Variants in AASDH observed in about 807,000 individuals in gnomAD.
AASDH encodes the protein beta-alanine-activating enzyme.
AASDH carries 81 observed loss-of-function variants against 102.3 expected under a neutral mutation model. The observed-to-expected ratio is 0.79, with a 90% CI of 0.66 to 0.95. The LOEUF (loss-of-function observed/expected upper bound fraction) is 0.95, where lower values mean the gene tolerates loss of function less well. Among genes scored for constraint, AASDH ranks in the 40% least tolerant of loss-of-function variants. The pLI is 0.00. For synonymous variants in AASDH, 398 were observed against 454.0 expected (o/e 0.88, Z 1.57); for missense variants, 1,203 against 1,266.2 (o/e 0.95, Z 0.76).
chr4:56,386,648 CCGGGCGCGGTGG>C (rs1753584347), intron 1 of AASDH, among the ~76,000 whole-genome samples: 1 of 149,680 alleles, frequency 6.7e-6, no homozygotes, highest in Non-Finnish European at 1.5e-5. Flanking sequence ...AAAAAATTAG[CCGGGCGCGGTGG>C]CGGGCGCCTG....
intron 9 of AASDH, 132 bp downstream of exon 9, chr4:56,353,272 G>A: frequency 1.4e-6 from 1 of 699,134 alleles, no homozygotes; most frequent in Non-Finnish European, 2.2e-6. Flanking sequence ...AGACAAAGCA[G>A]TCAAAAGAGG....
In AASDH at chr4:56,345,153, G is replaced by C; in HGVS notation, c.2626C>G (p.Gln876Glu). The change falls in exon 12 of 15, where the codon CAG (glutamine) becomes GAG (glutamate). Residue 876 changes from glutamine (Q) to glutamate (E), a missense_variant. Transcript: ENST00000205214. ...TAAATATCTAAAGCATATGCGTGCT[G>C]GTCATGAGATCCAATGTAAATGAGT... ...TGLIYIGSHD[Q>E]HAYALDIYRK... 6.2e-7 allele frequency: 1 copy of C among 1,613,986 alleles called. No individual in the cohort carries two copies. Among genetic ancestry groups the C allele is most frequent in the South Asian group, 1.1e-5 (1 of 91,070 alleles).
intron 5 of AASDH, chr4:56,356,579 C>G: frequency 1.3e-6 from 1 of 745,826 alleles, no homozygotes; most frequent in Non-Finnish European, 2.4e-6. Flanking sequence ...TGGTGGAGAA[C>G]AAAGAAAGCT....
chr4:56,386,128 T>A (rs1258870543), intron 1 of AASDH, among the ~76,000 whole-genome samples: 1 of 152,232 alleles, frequency 6.6e-6, no homozygotes, highest in African/African-American at 2.4e-5. Context: ...GCAACTTTAG[T>A]ACTTACATTA....
chr4:56,346,830 C>A (rs192553780), intron 11 of AASDH, among the ~76,000 whole-genome samples: 5 of 152,114 alleles, frequency 3.3e-5, no homozygotes. Context: ...ATCGCTTGAG[C>A]CCAGGAGTTT....
At chr4:56,340,244 A>G (rs1020835514) in intron 14 of AASDH, among the ~76,000 whole-genome samples, 1 of 152,252 alleles carries the variant, frequency 6.6e-6, no homozygotes, top group Admixed American at 6.5e-5. Flanking sequence ...ATATTGGGTA[A>G]AAAGAACAAA....
chr4:56,375,888 CCCTCCCATCTAAATGTATCTT>C (rs1253564158), intron 4 of AASDH, among the ~76,000 whole-genome samples: 16 of 152,022 alleles, frequency 1.1e-4, no homozygotes, highest in Non-Finnish European at 2.4e-4. Context: ...TAATGCCATT[CCCTCCCATCTAAATGTATCTT>C]CCTCCCATCT....
rs567103958 is a variant in AASDH at position 56,352,230 on chromosome 4, C to A, written c.1577-773G>T. Among the ~76,000 whole-genome samples the A allele has an allele frequency of 4.6e-5, 7 of 152,262 alleles. No individual in the cohort carries two copies. In the East Asian group the frequency reaches 1.4e-3, roughly 29 times the overall value. On this transcript the variant is annotated intron_variant, in intron 9 of 14. Transcript: ENST00000205214. ...TGTATGTGTCAATGTGGGTGGGCCA[C>A]AGGGTGCCCAGATTAACCATTTTTC...
At chr4:56,380,279 T>A (rs998131528) in intron 3 of AASDH, among the ~76,000 whole-genome samples, 1 of 152,194 alleles carries the variant, frequency 6.6e-6, no homozygotes, top group African/African-American at 2.4e-5. Context: ...GATGAAGAGA[T>A]GCTAAACTGA....
At chr4:56,369,713 T>A (rs1578035957) in intron 5 of AASDH, among the ~76,000 whole-genome samples, 1 of 151,230 alleles carries the variant, frequency 6.6e-6, no homozygotes, top group East Asian at 2.0e-4. Flanking sequence ...GATTGAGGAG[T>A]TTGAGACCAG....
chr4:56,345,901 C>T (rs1748277025), intron 11 of AASDH, among the ~76,000 whole-genome samples: 1 of 152,166 alleles, frequency 6.6e-6, no homozygotes, highest in Non-Finnish European at 1.5e-5. Flanking sequence ...TTATAGATAA[C>T]AAAATTGAAG....
At chr4:56,351,545 T>A in intron 9 of AASDH, 88 bp from the exon 10 acceptor site, 3 of 723,170 alleles carry the variant, frequency 4.1e-6, no homozygotes, top group Non-Finnish European at 6.9e-6. Flanking sequence ...ATATACATTT[T>A]TCTTTGTACA....
At chr4:56,365,707 C>T (rs1057021155) in intron 5 of AASDH, among the ~76,000 whole-genome samples, 5 of 151,968 alleles carry the variant, frequency 3.3e-5, no homozygotes, top group African/African-American at 9.7e-5. Context: ...ATCTCTGGGA[C>T]GCATTCAAAG....
chr4:56,365,606 C>A (rs11936592), intron 5 of AASDH, among the ~76,000 whole-genome samples: 53,840 of 151,326 alleles, frequency 0.36, 9,963 homozygotes, highest in Non-Finnish European at 0.42. Context: ...GAACAACCTG[C>A]TCCTGAATGA....
intron 1 of AASDH, among the ~76,000 whole-genome samples, chr4:56,386,574 A>G (rs1243467771): frequency 6.6e-6 from 1 of 151,256 alleles, no homozygotes; most frequent in African/African-American, 2.4e-5. Context: ...CGGGTGGATC[A>G]TGAGGTCAGG....
At chr4:56,369,725 A>G (rs965598716) in intron 5 of AASDH, among the ~76,000 whole-genome samples, 1 of 152,008 alleles carries the variant, frequency 6.6e-6, no homozygotes, top group African/African-American at 2.4e-5. Context: ...TGAGACCAGG[A>G]GGCCAGGAGT....
At chr4:56,386,980 T>G (rs969940844) in intron 1 of AASDH, among the ~76,000 whole-genome samples, 4 of 152,154 alleles carry the variant, frequency 2.6e-5, no homozygotes, top group African/African-American at 4.8e-5. Context: ...CTGGCTGTTT[T>G]AAAAATGGAT....
intron 3 of AASDH, among the ~76,000 whole-genome samples, chr4:56,381,116 C>T (rs994429698): frequency 2.0e-5 from 3 of 152,170 alleles, no homozygotes; most frequent in African/African-American, 4.8e-5. Flanking sequence ...ACAATTAATA[C>T]TGATACTCAG....
At position 56,349,260 on chromosome 4, in the gene AASDH, T is replaced by G; in HGVS notation, c.2488+3A>C. 1 of 1,613,396 alleles carries G rather than the reference T, an allele frequency of 6.2e-7. No homozygotes were observed. The highest frequency in any genetic ancestry group is 8.5e-7 in the Non-Finnish European group (1 of 1,179,654). On this transcript the variant is annotated splice_donor_region_variant and intron_variant, in intron 11 of 14. Transcript: ENST00000205214. ...TCCACAAACCTCAAATTCAAAAACTTACCCACCACAATAAAGTTTCCACAC... is the reference window on the plus strand; with the variant it reads ...TCCACAAACCTCAAATTCAAAAACTGACCCACCACAATAAAGTTTCCACAC...
Sources: gnomAD v4.1 joint callset for allele counts (sites outside exome capture counted in the v4.1 genomes callset) on GRCh38, gnomAD v4.1.1 for gene constraint, MANE v1.5 for transcripts, NCBI Gene and HGNC (gene_info 2026-07-23, HGNC 2026-07-21) for gene names.